The following CSMD1 variants were observed in gnomAD, a reference collection of about 807,000 sequenced individuals.
CSMD1 encodes the protein CUB and Sushi multiple domains 1.
CSMD1 carries 213 observed loss-of-function variants against 417.5 expected under a neutral mutation model. The observed-to-expected ratio is 0.51, with a 90% CI of 0.46 to 0.57. CSMD1 has a LOEUF of 0.57. Ranked by LOEUF, CSMD1 falls within the 20% of genes least tolerant of loss-of-function variation. The pLI, the probability that CSMD1 is intolerant of heterozygous loss-of-function variation, is 0.00. For synonymous variants in CSMD1, 2,862 were observed against 1,736.8 expected, an observed-to-expected ratio of 1.65 and a Z score of -16.11; for missense variants, 6,923 against 4,529.7, an observed-to-expected ratio of 1.53 and a Z score of -15.17.
chr8:4,249,800 G>A (rs1802943735), intron 3 of CSMD1, among the ~76,000 whole-genome samples: 2 of 152,124 alleles, frequency 1.3e-5, no homozygotes, highest in Non-Finnish European at 2.9e-5. Flanking sequence ...AGAACACAGT[G>A]TCAGTTTAGA....
chr8:4,058,098 G>A (rs1292103208), intron 3 of CSMD1, among the ~76,000 whole-genome samples: 2 of 152,088 alleles, frequency 1.3e-5, no homozygotes, highest in Non-Finnish European at 2.9e-5. Context: ...GATGGGGATG[G>A]CATTGAATCT....
chr8:4,316,558 A>T (rs1281275713), intron 3 of CSMD1, among the ~76,000 whole-genome samples: 2 of 152,158 alleles, frequency 1.3e-5, no homozygotes, highest in African/African-American at 2.4e-5. Flanking sequence ...TATATAATTA[A>T]TAACTTTCCA....
chr8:3,814,089 G>C (rs545506173), intron 5 of CSMD1, among the ~76,000 whole-genome samples: 1 of 152,274 alleles, frequency 6.6e-6, no homozygotes, highest in Admixed American at 6.5e-5. Context: ...TTCCCTGAAG[G>C]AAGAGCTTGA....
At chr8:4,431,978 A>G (rs754830334) in intron 2 of CSMD1, among the ~76,000 whole-genome samples, 1 of 152,208 alleles carries the variant, frequency 6.6e-6, no homozygotes, top group Non-Finnish European at 1.5e-5. Context: ...AGTAACTTAC[A>G]TTTATGCACT....
intron 61 of CSMD1, among the ~76,000 whole-genome samples, chr8:2,961,442 T>C (rs986911295): frequency 2.0e-5 from 3 of 152,158 alleles, no homozygotes; most frequent in Non-Finnish European, 4.4e-5. Context: ...ATGTTCTTCT[T>C]ATATAAGAAT....
intron 23 of CSMD1, among the ~76,000 whole-genome samples, chr8:3,340,556 T>C (rs901596941): frequency 6.6e-6 from 1 of 152,204 alleles, no homozygotes; most frequent in African/African-American, 2.4e-5. Context: ...GCTGAAAGTG[T>C]CTTTACACAG....
intron 11 of CSMD1, among the ~76,000 whole-genome samples, chr8:3,485,443 G>A (rs879218577): frequency 6.6e-6 from 1 of 151,644 alleles, no homozygotes; most frequent in Admixed American, 6.6e-5. Context: ...AGGGAACTTT[G>A]GGGTATTAGA....
chr8:4,526,919 A>C (rs1456867469), intron 2 of CSMD1, among the ~76,000 whole-genome samples: 1 of 152,154 alleles, frequency 6.6e-6, no homozygotes, highest in Non-Finnish European at 1.5e-5. Context: ...TGACTTCGTC[A>C]AGGTTAGACA....
chr8:3,634,707 T>G (rs1796947864), intron 7 of CSMD1, among the ~76,000 whole-genome samples: 1 of 139,030 alleles, frequency 7.2e-6, no homozygotes, highest in Non-Finnish European at 1.5e-5. Flanking sequence ...ATTAGAACTG[T>G]GCTGCCTACT....
chr8:4,558,950 T>C (rs2130601837), intron 2 of CSMD1, among the ~76,000 whole-genome samples: 1 of 152,206 alleles, frequency 6.6e-6, no homozygotes, highest in Admixed American at 6.5e-5. Context: ...TCTGACCTCC[T>C]GTATTTGATA....
chr8:4,058,269 C>T (rs1180193030), intron 3 of CSMD1, among the ~76,000 whole-genome samples: 1 of 151,920 alleles, frequency 6.6e-6, no homozygotes, highest in Non-Finnish European at 1.5e-5. Context: ...AAGTTGGATT[C>T]CTAGGTATTT....
chr8:4,390,000 T>G (rs1803734198), intron 3 of CSMD1, among the ~76,000 whole-genome samples: 1 of 152,218 alleles, frequency 6.6e-6, no homozygotes, highest in African/African-American at 2.4e-5. Context: ...TTTTTTAACT[T>G]TCCTAGATAT....
At chr8:4,835,695 T>C (rs1334869787) in intron 1 of CSMD1, among the ~76,000 whole-genome samples, 2 of 152,126 alleles carry the variant, frequency 1.3e-5, no homozygotes, top group Non-Finnish European at 2.9e-5. Flanking sequence ...GCCACAATGA[T>C]TGTGGTCAGT....
At chr8:4,429,759 A>G (rs1204669368) in intron 2 of CSMD1, among the ~76,000 whole-genome samples, 1 of 152,154 alleles carries the variant, frequency 6.6e-6, no homozygotes, top group Non-Finnish European at 1.5e-5. Context: ...CTGAGATTCT[A>G]GAAGTGCTCC....
chr8:3,133,711 C>G (rs998133099), intron 41 of CSMD1, among the ~76,000 whole-genome samples: 1 of 152,162 alleles, frequency 6.6e-6, no homozygotes, highest in African/African-American at 2.4e-5. Flanking sequence ...CAGGAGTGCC[C>G]AGCACCTCTC....
intron 9 of CSMD1, among the ~76,000 whole-genome samples, chr8:3,575,840 A>T (rs111356533): frequency 0.059 from 3,980 of 67,036 alleles, 170 homozygotes; most frequent in African/African-American, 0.13. Context: ...AGTTTATGAA[A>T]GGAGTTTTTT....
chr8:2,958,408 C>G (rs1371857189), intron 62 of CSMD1, among the ~76,000 whole-genome samples: 1 of 152,236 alleles, frequency 6.6e-6, no homozygotes, highest in African/African-American at 2.4e-5. Context: ...GAATCACATT[C>G]AGCTTGAATG....
intron 6 of CSMD1, among the ~76,000 whole-genome samples, chr8:3,724,205 TTTA>T (rs1312200107): frequency 6.7e-6 from 1 of 149,212 alleles, no homozygotes; most frequent in African/African-American, 2.6e-5. Flanking sequence ...CTTTTTTTTT[TTTA>T]TTATTATACT....
intron 3 of CSMD1, among the ~76,000 whole-genome samples, chr8:4,362,472 C>A (rs532500178): frequency 2.0e-5 from 3 of 152,166 alleles, no homozygotes; most frequent in African/African-American, 7.2e-5. Flanking sequence ...GATAAGATTA[C>A]GGCTTTCTTC....
Sources: gnomAD v4.1 joint callset for allele counts (sites outside exome capture counted in the v4.1 genomes callset) on GRCh38, gnomAD v4.1.1 for gene constraint, MANE v1.5 for transcripts, NCBI Gene and HGNC (gene_info 2026-07-23, HGNC 2026-07-21) for gene names.